Variants in CNOT9 observed in about 807,000 individuals in gnomAD.
CNOT9 encodes the protein RCD1 required for cell differentiation1 homolog.
CNOT9 carries 8 observed loss-of-function variants against 37.4 expected under a neutral mutation model. The ratio of observed to expected loss-of-function variants is 0.21; its 90% CI spans 0.13 to 0.39. CNOT9 has a LOEUF of 0.39. Among genes scored for constraint, CNOT9 ranks in the 10% least tolerant of loss-of-function variants. CNOT9 has a pLI of 1.00. For synonymous variants in CNOT9, 120 were observed against 137.6 expected, an observed-to-expected ratio of 0.87 and a Z score of 0.90; for missense variants, 154 against 365.3, an observed-to-expected ratio of 0.42 and a Z score of 4.71.
intron 1 of CNOT9, 67 bp downstream of exon 1, chr2:218,569,045 C>T: frequency 6.4e-7 from 1 of 1,568,470 alleles, no homozygotes; most frequent in Non-Finnish European, 8.7e-7. Context: ...GGCCTTCTCT[C>T]CTAATTCCCG....
chr2:218,570,534 T>A (rs1331553026), intron 1 of CNOT9, among the ~76,000 whole-genome samples: 1 of 152,228 alleles, frequency 6.6e-6, no homozygotes, highest in African/African-American at 2.4e-5. Context: ...GCTTTTTTGT[T>A]CCTTCTCCCA....
intron 7 of CNOT9, chr2:218,593,861 C>T: frequency 8.3e-7 from 1 of 1,212,038 alleles, no homozygotes; most frequent in Non-Finnish European, 1.1e-6. Flanking sequence ...AACTATTGAA[C>T]CTTTTAATTT....
Position 218,592,157 on chromosome 2 carries a change from T to C in CNOT9, c.541-147T>C. On this transcript the variant is annotated intron_variant, in intron 5 of 7. Coordinates refer to ENST00000273064, the MANE Select transcript of CNOT9 (RefSeq NM_005444.3). This position sits in a 1 kb window ranked among gnomAD's most constrained non-coding sequence, Gnocchi z 4.1. ...GTAATATTTATTATTCTTTGTACTATACATATATGATAAAGTTGTACATAA... is the reference window on the plus strand; with the variant it reads ...GTAATATTTATTATTCTTTGTACTACACATATATGATAAAGTTGTACATAA... 3.2e-6 allele frequency: 2 copies of C among 626,838 alleles called. No individual in the cohort carries two copies. Among genetic ancestry groups the C allele is most frequent in the Non-Finnish European group, 5.7e-6 (2 of 352,288 alleles). 38.8% of individuals were successfully genotyped at this position (626,838 alleles called of 1,614,324 possible).
At chr2:218,575,380 CTTTTTTCTTTT>C (rs1694131978) in intron 1 of CNOT9, among the ~76,000 whole-genome samples, 1 of 144,550 alleles carries the variant, frequency 6.9e-6, no homozygotes, top group African/African-American at 2.6e-5. Context: ...TTTTTCTTTT[CTTTTTTCTTTT>C]TTTTTTTTTT....
At chr2:218,593,637 T>C in intron 7 of CNOT9, 1 of 1,392,770 alleles carries the variant, frequency 7.2e-7, no homozygotes, top group South Asian at 1.7e-5. Context: ...TCATCTCTTA[T>C]TAAGGTTTTT....
intron 1 of CNOT9, among the ~76,000 whole-genome samples, chr2:218,573,232 C>T (rs1162846584): frequency 1.3e-5 from 2 of 150,994 alleles, no homozygotes; most frequent in African/African-American, 2.4e-5. Flanking sequence ...GCAGGACAAT[C>T]GCTTGAACCT....
Position 218,568,849 on chromosome 2 carries a change from CGGATG to C in CNOT9, c.-104_-100del. 7.5e-7 allele frequency: 1 copy of C among 1,337,068 alleles called. No homozygotes were observed. 82.8% of individuals were successfully genotyped at this position (1,337,068 alleles called of 1,614,324 possible). On this transcript the variant is annotated 5_prime_UTR_variant, in exon 1 of 8. It removes an upstream start codon present in the reference 5' UTR. Transcript: ENST00000273064. ...CGAAGTGGGCGGAGCGAGCCGGAGT[CGGATG>C]GCGGCTACGGCGGCTCATTGTTTTC...
Position 218,583,004 on chromosome 2 carries a change from C to G in CNOT9, c.238C>G (p.Pro80Ala). 1 of 1,613,436 alleles carries G rather than the reference C, an allele frequency of 6.2e-7. No homozygotes were observed. Reference protein sequence around the residue: ...IVNIYPSINPPTLTAHQSNRV... With the variant: ...IVNIYPSINPATLTAHQSNRV... ...AAATATTTATCCATCTATCAACCCA[C>G]CCACCTTGACAGCACACCAGTCTAA... Residue 80 changes from proline (P) to alanine (A), a missense_variant, in exon 3 of 8, where the codon CCC becomes GCC. Around this residue, in one of 2 missense-constraint regions of CNOT9, gnomAD observed 117 missense variants for 325.4 expected, o/e 0.36. Transcript: ENST00000273064.
chr2:218,585,487 C>T (rs531709530), intron 4 of CNOT9, among the ~76,000 whole-genome samples: 1 of 149,844 alleles, frequency 6.7e-6, no homozygotes, highest in Non-Finnish European at 1.5e-5. Context: ...GCAGGAGAAT[C>T]GCTTGAACCT....
rs1694941127 is a variant in CNOT9 at position 218,596,901 on chromosome 2, C to T, written c.*2625C>T. The T allele has an allele frequency of 6.6e-6, 1 of 152,176 alleles. No individual in the cohort carries two copies. Among genetic ancestry groups the T allele is most frequent in the South Asian group, 2.1e-4 (1 of 4,828 alleles). 9.4% of individuals were successfully genotyped at this position (152,176 alleles called of 1,614,324 possible). On this transcript the variant is annotated 3_prime_UTR_variant, in exon 8 of 8. Coordinates refer to ENST00000273064, the MANE Select transcript of CNOT9 (RefSeq NM_005444.3). ...GCCCTATGCTTCCACGTTCTTTTTT[C>T]AAGAGCCTTAGAGGGCCTGTGGCCT... is the stretch of plus-strand genomic sequence containing the variant.
At chr2:218,581,225 A>G (rs1402884583) in intron 2 of CNOT9, 2 of 256,722 alleles carry the variant, frequency 7.8e-6, no homozygotes, top group Non-Finnish European at 1.6e-5. Flanking sequence ...CTAGAGTGCA[A>G]TGGTGCAATC....
rs755799632 is a variant in CNOT9 at position 218,592,287 on chromosome 2, A to AT, written c.541-13dup. ...TCTGAGCAACTTTATAAACTCTTCG[A>AT]TTTTGTTTTGCTTCAGGTTGCCACA... On this transcript the variant is annotated splice_polypyrimidine_tract_variant and intron_variant, in intron 5 of 7. Transcript: ENST00000273064. The surrounding 1 kb of genome is among the most constrained non-coding windows in gnomAD (Gnocchi z 4.1). The AT allele has an allele frequency of 6.3e-7, 1 of 1,589,920 alleles. No homozygotes were observed. Among genetic ancestry groups the AT allele is most frequent in the Non-Finnish European group, 8.6e-7 (1 of 1,159,950 alleles).
chr2:218,573,858 A>G (rs1694078707), intron 1 of CNOT9: 3 of 276,514 alleles, frequency 1.1e-5, no homozygotes, highest in South Asian at 5.8e-5. Flanking sequence ...TACATTTTCC[A>G]TATACAAATC....
Position 218,594,267 on chromosome 2 carries a change from C to G in CNOT9, c.891C>G (p.Pro297=). ...CCGATCCCCGGGGTATCCCCCTGCC[C>G]CCTCAGTGATCCTTCCCTGTTCCCT... ...QVTDPRGIPL[P]PQ Residue 297 remains proline, a synonymous_variant, in exon 8 of 8, where the codon CCC becomes CCG. Coordinates refer to ENST00000273064, the MANE Select transcript of CNOT9 (RefSeq NM_005444.3). 1 of 1,609,436 alleles carries G rather than the reference C, an allele frequency of 6.2e-7. No homozygotes were observed. The highest frequency in any genetic ancestry group is 8.5e-7 in the Non-Finnish European group (1 of 1,177,578).
At chr2:218,576,092 A>G (rs1574986020) in intron 1 of CNOT9, among the ~76,000 whole-genome samples, 1 of 152,174 alleles carries the variant, frequency 6.6e-6, no homozygotes, top group Admixed American at 6.5e-5. Context: ...GTACAACAGA[A>G]CTAACTCTTC....
At position 218,588,523 on chromosome 2, in the gene CNOT9, A is replaced by G. The variant is rs1355269796; in HGVS notation, c.540+828A>G. Among the ~76,000 whole-genome samples the G allele has an allele frequency of 8.3e-5, 12 of 144,898 alleles. No homozygotes were observed. The Admixed American group carries it at 8.5e-4, about 10-fold the overall frequency. ...AGGCTGGTGTTGAACCCCTGACCTC[A>G]GGTGATCCGTCCGCCTCAGCCTCCC... On this transcript the variant is annotated intron_variant, in intron 5 of 7. Coordinates refer to ENST00000273064, the MANE Select transcript of CNOT9 (RefSeq NM_005444.3).
intron 4 of CNOT9, among the ~76,000 whole-genome samples, chr2:218,585,925 A>G (rs1694580684): frequency 6.6e-6 from 1 of 152,156 alleles, no homozygotes; most frequent in South Asian, 2.1e-4. Context: ...TACAGATGTG[A>G]GCCACTGCAC....
intron 1 of CNOT9, among the ~76,000 whole-genome samples, chr2:218,580,049 AC>A (rs1694319922): frequency 6.7e-6 from 1 of 149,178 alleles, no homozygotes; most frequent in Non-Finnish European, 1.5e-5. Flanking sequence ...GGTCACTGCA[AC>A]CTCCACCTCC....
intron 5 of CNOT9, among the ~76,000 whole-genome samples, chr2:218,588,480 G>A (rs1474795897): frequency 6.7e-6 from 1 of 150,318 alleles, no homozygotes; most frequent in Non-Finnish European, 1.5e-5. Context: ...GTAGAAATGG[G>A]GTTTCACTAT....
Sources: allele counts gnomAD v4.1 joint callset (sites outside exome capture counted in the v4.1 genomes callset), GRCh38; gene constraint gnomAD v4.1.1; regional missense constraint gnomAD v4.1.1; non-coding constraint Gnocchi (gnomAD v3.1); transcripts MANE v1.5; gene names NCBI Gene and HGNC (gene_info 2026-07-23, HGNC 2026-07-21).